UROS: variants seen among roughly 807,000 people sequenced by gnomAD.
The protein encoded by UROS is uroporphyrinogen III synthase, also known as uroporphyrinogen-III synthase.
UROS carries 18 observed loss-of-function variants against 33.0 expected under a neutral mutation model. That is an observed-to-expected ratio of 0.55 (90% CI 0.38 to 0.81). The LOEUF is 0.81. Among genes scored for constraint, UROS ranks in the 30% least tolerant of loss-of-function variants. The probability of loss-of-function intolerance (pLI) is 0.00; values close to 1 mark genes in which losing one functional copy is unlikely to be tolerated. For missense variants in UROS, 293 were observed against 314.9 expected, an observed-to-expected ratio of 0.93 and a Z score of 0.53; for synonymous variants, 114 against 121.1, an observed-to-expected ratio of 0.94 and a Z score of 0.38.
chr10:125,786,290 T>C (rs2133791861), downstream of UROS, among the ~76,000 whole-genome samples: 1 of 152,152 alleles, frequency 6.6e-6, no homozygotes, highest in East Asian at 1.9e-4. Flanking sequence ...TTTTTTTTTT[T>C]TTTTTAGACA....
intron 9 of UROS, 120 bp downstream of exon 9, chr10:125,794,760 T>C (rs1851205809): frequency 4.2e-6 from 4 of 961,138 alleles, no homozygotes; most frequent in Admixed American, 2.4e-5. Context: ...CCCTTCCAAT[T>C]CTAAGGCACC....
intron 6 of UROS, chr10:125,802,870 T>G: frequency 1.3e-6 from 2 of 1,551,684 alleles, no homozygotes; most frequent in Non-Finnish European, 1.7e-6. Flanking sequence ...CCCTTTCCCT[T>G]GGGGCTCAGG....
At chr10:125,808,586 T>C (rs1385652838) in intron 5 of UROS, among the ~76,000 whole-genome samples, 1 of 152,218 alleles carries the variant, frequency 6.6e-6, no homozygotes, top group African/African-American at 2.4e-5. Flanking sequence ...AATATTGACA[T>C]AAATATGCAT....
At chr10:125,816,791 G>A (rs911588618) in intron 1 of UROS, among the ~76,000 whole-genome samples, 14 of 152,270 alleles carry the variant, frequency 9.2e-5, no homozygotes, top group Admixed American at 2.0e-4. Context: ...TATGCCAAAC[G>A]TTTATGGTTC....
At chr10:125,785,317 C>T (rs938922482), downstream of UROS, 7 of 152,220 alleles carry the variant, frequency 4.6e-5, no homozygotes, top group Non-Finnish European at 1.0e-4. Context: ...ACTACATCCC[C>T]TTGGCTACAA....
intron 6 of UROS, 25 bp from the exon 7 acceptor site, chr10:125,798,170 T>G: frequency 6.2e-7 from 1 of 1,612,566 alleles, no homozygotes. Flanking sequence ...CCAGGCTTTG[T>G]GAAAACTCAG....
At chr10:125,799,631 C>T (rs1435289640) in intron 6 of UROS, among the ~76,000 whole-genome samples, 2 of 152,166 alleles carry the variant, frequency 1.3e-5, no homozygotes, top group East Asian at 1.9e-4. Flanking sequence ...CGAAGGGGTA[C>T]GCGGCTCCCT....
chr10:125,802,755 G>T (rs1851950309), intron 6 of UROS: 12 of 1,420,044 alleles, frequency 8.5e-6, no homozygotes, highest in Non-Finnish European at 1.1e-5. Context: ...CAGGTAGGGA[G>T]GGTAGGTCTG....
intron 6 of UROS, among the ~76,000 whole-genome samples, chr10:125,804,936 C>T (rs539916546): frequency 2.6e-5 from 4 of 152,232 alleles, no homozygotes; most frequent in East Asian, 1.9e-4. Context: ...TCAGTCCCAA[C>T]GCCCTGCAAA....
downstream of UROS, chr10:125,788,473 A>G (rs748944686): frequency 3.0e-6 from 3 of 993,494 alleles, no homozygotes; most frequent in Non-Finnish European, 2.5e-6. Flanking sequence ...TATATAGAGC[A>G]AATTTTCTGA....
At chr10:125,815,750 C>G (rs556722935) in intron 3 of UROS, among the ~76,000 whole-genome samples, 1 of 152,328 alleles carries the variant, frequency 6.6e-6, no homozygotes, top group Admixed American at 6.5e-5. Context: ...GGGTTTGAGT[C>G]CCAGCCCTGT....
intron 6 of UROS, among the ~76,000 whole-genome samples, chr10:125,803,879 G>C (rs1041177811): frequency 6.6e-6 from 1 of 152,252 alleles, no homozygotes; most frequent in Non-Finnish European, 1.5e-5. Flanking sequence ...GCCTGAGGGA[G>C]GGCCTGCCCT....
chr10:125,822,224 C>T (rs951763974), intron 1 of UROS, among the ~76,000 whole-genome samples: 1 of 152,182 alleles, frequency 6.6e-6, no homozygotes, highest in South Asian at 2.1e-4. Flanking sequence ...GCCACAGGGG[C>T]TGGCGCTCGC....
At chr10:125,787,499 G>A (rs930629527), downstream of UROS, among the ~76,000 whole-genome samples, 1 of 152,118 alleles carries the variant, frequency 6.6e-6, no homozygotes, top group Non-Finnish European at 1.5e-5. Flanking sequence ...GAGGCACCTG[G>A]AGAGCGTCTA....
chr10:125,789,326 T>G, intron 9 of UROS: 4 of 1,284,402 alleles, frequency 3.1e-6, no homozygotes, highest in Non-Finnish European at 4.0e-6. Flanking sequence ...AGGCTCTAGC[T>G]GCAGACAGTT....
intron 9 of UROS, among the ~76,000 whole-genome samples, chr10:125,790,903 C>T (rs977886580): frequency 3.0e-4 from 45 of 151,776 alleles, no homozygotes; most frequent in African/African-American, 9.0e-4. Context: ...CCAGCCTGGC[C>T]AACATGGTGA....
intron 5 of UROS, among the ~76,000 whole-genome samples, chr10:125,810,314 G>C (rs185304242): frequency 4.8e-4 from 73 of 152,276 alleles, no homozygotes; most frequent in Admixed American, 9.2e-4. Context: ...GCTCTCTCTT[G>C]GATTGCCTTG....
intron 8 of UROS, 71 bp from the exon 9 acceptor site, chr10:125,795,049 T>C: frequency 2.0e-6 from 3 of 1,465,252 alleles, no homozygotes; most frequent in Non-Finnish European, 2.9e-6. Flanking sequence ...TCCGGCTTCA[T>C]CCGCATCAAG....
At chr10:125,802,482 G>A (rs1481856878) in intron 6 of UROS, 1 of 987,618 alleles carries the variant, frequency 1.0e-6, no homozygotes, top group Non-Finnish European at 1.2e-6. Context: ...CCTTTCAGTT[G>A]CTTAGCCTCA....
Sources: gnomAD v4.1 joint callset for allele counts (sites outside exome capture counted in the v4.1 genomes callset) on GRCh38, gnomAD v4.1.1 for gene constraint, MANE v1.5 for transcripts, NCBI Gene and HGNC (gene_info 2026-07-23, HGNC 2026-07-21) for gene names.